Variants in BTNL8 observed in about 807,000 individuals in gnomAD.
The protein encoded by BTNL8 is butyrophilin-like protein 8.
A neutral mutation model predicts 36.1 loss-of-function variants in BTNL8; 22 were observed. That is an observed-to-expected ratio of 0.61 (90% CI 0.44 to 0.87). The LOEUF (loss-of-function observed/expected upper bound fraction) is 0.87. Ranked by LOEUF, BTNL8 falls within the 40% of genes least tolerant of loss-of-function variation. The pLI is 0.00. For synonymous variants in BTNL8, 203 were observed against 235.6 expected (o/e 0.86, Z 1.27); for missense variants, 526 against 616.9 (o/e 0.85, Z 1.56).
At chr5:180,929,307 T>A (rs969734348) in intron 3 of BTNL8, among the ~76,000 whole-genome samples, 1 of 152,078 alleles carries the variant, frequency 6.6e-6, no homozygotes, top group African/African-American at 2.4e-5. Flanking sequence ...GGGACACAGC[T>A]AAAGCACTGT....
At chr5:180,938,578 G>A (rs143513570) in intron 3 of BTNL8, among the ~76,000 whole-genome samples, 28,174 of 144,706 alleles carry the variant, frequency 0.19, 4,536 homozygotes, top group African/African-American at 0.45. Context: ...TTGCTCTGTC[G>A]CCAGGCTGGA....
intron 1 of BTNL8, among the ~76,000 whole-genome samples, chr5:180,900,246 C>T (rs1401727507): frequency 6.6e-6 from 1 of 152,192 alleles, no homozygotes; most frequent in Non-Finnish European, 1.5e-5. Flanking sequence ...TGGAAATGAT[C>T]TTGGAGACAG....
chr5:180,928,349 A>G (rs1174123093), intron 3 of BTNL8, among the ~76,000 whole-genome samples: 1 of 152,226 alleles, frequency 6.6e-6, no homozygotes, highest in Non-Finnish European at 1.5e-5. Flanking sequence ...AAATATGGAA[A>G]GGAAAAACCA....
At chr5:180,918,028 C>CAAA (rs368211844) in intron 3 of BTNL8, among the ~76,000 whole-genome samples, 3 of 114,964 alleles carry the variant, frequency 2.6e-5, no homozygotes, top group African/African-American at 3.0e-5. Context: ...GATTCTGTCT[C>CAAA]AAAAAAAAAA....
intron 2 of BTNL8, among the ~76,000 whole-genome samples, chr5:180,910,914 T>C (rs976148575): frequency 2.0e-5 from 3 of 152,182 alleles, no homozygotes; most frequent in African/African-American, 7.2e-5. Flanking sequence ...TTCCATTTCA[T>C]GGGGGAGGAT....
intron 1 of BTNL8, among the ~76,000 whole-genome samples, chr5:180,905,441 C>T (rs10479587): frequency 0.12 from 9,683 of 78,080 alleles, 227 homozygotes; most frequent in African/African-American, 0.23. Context: ...GTCTTGCTAG[C>T]GGTCTATCAA....
intron 3 of BTNL8, among the ~76,000 whole-genome samples, chr5:180,934,478 C>T (rs192178127): frequency 2.0e-5 from 3 of 152,312 alleles, no homozygotes; most frequent in Non-Finnish European, 2.9e-5. Flanking sequence ...CTGCCAAGGG[C>T]GAGCCAGGCA....
chr5:180,915,485 A>G (rs1248127748), intron 3 of BTNL8, among the ~76,000 whole-genome samples: 6 of 152,252 alleles, frequency 3.9e-5, no homozygotes, highest in Non-Finnish European at 8.8e-5. Context: ...GAAAATCCCA[A>G]GACTTCCTCT....
chr5:180,908,614 G>A lies in BTNL8; in HGVS notation c.78G>A (p.Lys26=), dbSNP rs1422565921. The change falls in exon 2 of 8, where the codon AAG becomes AAA. Residue 26 remains lysine, a synonymous_variant. Transcript: ENST00000340184. ...SGQWQVFGPD[K]PVQALVGEDA... Reference sequence around the variant, plus strand: ...AGTGGCAGGTGTTTGGGCCAGACAAGCCTGTCCAGGCCTTGGTGGGGGAGG... The same window carrying A: ...AGTGGCAGGTGTTTGGGCCAGACAAACCTGTCCAGGCCTTGGTGGGGGAGG... 8 of 1,614,072 alleles carry A rather than the reference G, an allele frequency of 5.0e-6. No homozygotes were observed. The highest frequency in any genetic ancestry group is 6.8e-6 in the Non-Finnish European group (8 of 1,180,024).
chr5:180,902,403 A>C (rs1269565407), intron 1 of BTNL8: 1 of 1,550,310 alleles, frequency 6.5e-7, no homozygotes, highest in East Asian at 2.4e-5. Flanking sequence ...AAATGTAAGG[A>C]GATACACAAA....
intron 3 of BTNL8, among the ~76,000 whole-genome samples, chr5:180,933,602 G>A (rs914835754): frequency 6.6e-6 from 1 of 152,046 alleles, no homozygotes; most frequent in African/African-American, 2.4e-5. Flanking sequence ...AGCAAGAATG[G>A]AAACACAACA....
chr5:180,907,831 GGGGGTCA>G (rs1382946897), intron 1 of BTNL8, among the ~76,000 whole-genome samples: 2 of 151,034 alleles, frequency 1.3e-5, no homozygotes, highest in East Asian at 2.0e-4. Flanking sequence ...TAGGCTGCTC[GGGGGTCA>G]GGGGTCAGGG....
At position 180,911,417 on chromosome 5, in the gene BTNL8, G is replaced by T. The variant is rs778608424; in HGVS notation, c.476G>T (p.Trp159Leu). The T allele has an allele frequency of 3.7e-6, 6 of 1,614,208 alleles. No individual in the cohort carries two copies. The highest frequency in any genetic ancestry group is 5.1e-6 in the Non-Finnish European group (6 of 1,180,034). ...CAGCTACTCTGTCAGTCCTCGGGCT[G>T]GTTCCCCCGGCCCACAGCGAAGTGG... ...DIQLLCQSSG[W>L]FPRPTAKWKG... Residue 159 changes from tryptophan (W) to leucine (L), a missense_variant, in exon 3 of 8, where the codon TGG (tryptophan) becomes TTG (leucine). Trp to Leu is a moderately conservative substitution (Grantham distance 61). This residue lies in a region of BTNL8 where 350 missense variants were observed against 324.6 expected (regional missense o/e 1.08). Transcript: ENST00000340184.
At chr5:180,937,654 C>A (rs1758721974) in intron 3 of BTNL8, among the ~76,000 whole-genome samples, 1 of 152,138 alleles carries the variant, frequency 6.6e-6, no homozygotes, top group South Asian at 2.1e-4. Context: ...TAATGTTATT[C>A]CATAAAATTG....
At chr5:180,945,111 A>C (rs1759173218) in intron 3 of BTNL8, among the ~76,000 whole-genome samples, 1 of 152,250 alleles carries the variant, frequency 6.6e-6, no homozygotes, top group African/African-American at 2.4e-5. Context: ...CTGGCACAAA[A>C]GCGGACACAT....
At chr5:180,911,687 C>A in intron 3 of BTNL8, 73 bp downstream of exon 3, 1 of 1,372,002 alleles carries the variant, frequency 7.3e-7, no homozygotes, top group South Asian at 1.4e-5. Context: ...CAGGAGCCTC[C>A]ATCTTGGCAT....
At chr5:180,934,705 T>C (rs1027996241) in intron 3 of BTNL8, among the ~76,000 whole-genome samples, 2 of 152,156 alleles carry the variant, frequency 1.3e-5, no homozygotes, top group Non-Finnish European at 2.9e-5. Context: ...GCCTGGAAGC[T>C]TGGAAATGCC....
chr5:180,908,463 C>T, intron 1 of BTNL8, 123 bp from the exon 2 acceptor site: 1 of 914,090 alleles, frequency 1.1e-6, no homozygotes, highest in East Asian at 2.6e-5. Context: ...GCAGAAATCA[C>T]CCATGTTCTG....
chr5:180,907,774 T>TGG (rs1757158175), intron 1 of BTNL8, among the ~76,000 whole-genome samples: 1 of 152,002 alleles, frequency 6.6e-6, no homozygotes, highest in Admixed American at 6.6e-5. Context: ...TGGAGTACCC[T>TGG]GCCGTGTGAG....
Sources: allele counts gnomAD v4.1 joint callset (sites outside exome capture counted in the v4.1 genomes callset), GRCh38; gene constraint gnomAD v4.1.1; regional missense constraint gnomAD v4.1.1; transcripts MANE v1.5; gene names NCBI Gene and HGNC (gene_info 2026-07-23, HGNC 2026-07-21).